GRIN2A: variants seen among roughly 807,000 people sequenced by gnomAD.
GRIN2A encodes the protein glutamate receptor ionotropic, NMDA 2A.
In GRIN2A, 22 loss-of-function variants were observed where a neutral mutation model predicts 113.4. The observed-to-expected ratio is 0.19, with a 90% CI of 0.14 to 0.28. The LOEUF (loss-of-function observed/expected upper bound fraction) is 0.28. Ranked by LOEUF, GRIN2A falls within the 10% of genes least tolerant of loss-of-function variation. GRIN2A has a pLI of 1.00. For synonymous variants in GRIN2A, 827 were observed against 738.4 expected (o/e 1.12, Z -1.94); for missense variants, 1,502 against 1,887.0 (o/e 0.80, Z 3.78).
At chr16:9,793,548 C>T (rs771258132) in intron 11 of GRIN2A, among the ~76,000 whole-genome samples, 4 of 152,024 alleles carry the variant, frequency 2.6e-5, no homozygotes, top group Non-Finnish European at 5.9e-5. Flanking sequence ...CAAGCAGAAT[C>T]GAGGTACTCA....
At chr16:10,038,068 C>T (rs80063661) in intron 2 of GRIN2A, among the ~76,000 whole-genome samples, 2,458 of 146,950 alleles carry the variant, frequency 0.017, 38 homozygotes, top group South Asian at 0.071. Context: ...ACATAAACTG[C>T]GCGTAAAAAC....
intron 2 of GRIN2A, among the ~76,000 whole-genome samples, chr16:9,966,728 C>T (rs4273038): frequency 0.32 from 48,044 of 152,108 alleles, 8,074 homozygotes; most frequent in African/African-American, 0.37. Flanking sequence ...CTAATCTACA[C>T]TCCCACCAAC....
At chr16:10,084,179 T>C (rs556438519) in intron 2 of GRIN2A, among the ~76,000 whole-genome samples, 5 of 152,320 alleles carry the variant, frequency 3.3e-5, no homozygotes, top group African/African-American at 1.2e-4. Context: ...TGGTGACATG[T>C]CTTCAGCACA....
At chr16:9,844,095 G>C (rs1362671745) in intron 5 of GRIN2A, among the ~76,000 whole-genome samples, 1 of 152,008 alleles carries the variant, frequency 6.6e-6, no homozygotes, top group Non-Finnish European at 1.5e-5. Context: ...CCCTATCACA[G>C]GCTCTTCCTT....
intron 2 of GRIN2A, among the ~76,000 whole-genome samples, chr16:10,043,617 T>A (rs1040486252): frequency 6.6e-6 from 1 of 152,140 alleles, no homozygotes; most frequent in African/African-American, 2.4e-5. Context: ...GCAACCATTC[T>A]AGCCCACAGT....
chr16:9,993,500 A>T (rs1308776250), intron 2 of GRIN2A, among the ~76,000 whole-genome samples: 2 of 152,030 alleles, frequency 1.3e-5, no homozygotes, highest in Non-Finnish European at 2.9e-5. Context: ...AGGCTGCAGT[A>T]AGCTACGATC....
chr16:9,837,906 T>A (rs1403726981), intron 7 of GRIN2A, among the ~76,000 whole-genome samples: 4 of 152,022 alleles, frequency 2.6e-5, no homozygotes, highest in African/African-American at 9.7e-5. Flanking sequence ...AAGCAACGAG[T>A]GCAAAATCAA....
At chr16:9,854,996 GT>G (rs2042944197) in intron 4 of GRIN2A, among the ~76,000 whole-genome samples, 1 of 71,672 alleles carries the variant, frequency 1.4e-5, no homozygotes, top group Non-Finnish European at 2.9e-5. Flanking sequence ...GCACGCTTGT[GT>G]GTGTGTGTGT....
intron 11 of GRIN2A, among the ~76,000 whole-genome samples, chr16:9,780,163 A>ACTGTT (rs1368663184): frequency 2.7e-4 from 41 of 152,364 alleles, no homozygotes; most frequent in African/African-American, 9.4e-4. Flanking sequence ...CACTGCTGGC[A>ACTGTT]GGAATGTAAA....
At chr16:10,152,244 G>A (rs1024692865) in intron 2 of GRIN2A, among the ~76,000 whole-genome samples, 2 of 152,162 alleles carry the variant, frequency 1.3e-5, no homozygotes, top group African/African-American at 2.4e-5. Flanking sequence ...TCAAAGTTAG[G>A]AAGAGTCAGG....
chr16:10,156,564 T>C (rs2049699538), intron 2 of GRIN2A, among the ~76,000 whole-genome samples: 1 of 152,118 alleles, frequency 6.6e-6, no homozygotes, highest in Admixed American at 6.6e-5. Context: ...AGCAAGGGTA[T>C]AGAAGAGGAA....
intron 2 of GRIN2A, among the ~76,000 whole-genome samples, chr16:9,946,905 A>T (rs1321325291): frequency 6.6e-6 from 1 of 152,354 alleles, no homozygotes; most frequent in East Asian, 1.9e-4. Flanking sequence ...CACCTTGTTC[A>T]AGCCACACCT....
chr16:9,965,027 TA>T (rs555198633), intron 2 of GRIN2A, among the ~76,000 whole-genome samples: 67 of 152,252 alleles, frequency 4.4e-4, no homozygotes, highest in Non-Finnish European at 6.0e-4. Flanking sequence ...TCTGGACCAA[TA>T]AGCATGCAAA....
chr16:9,966,317 T>C (rs996126712), intron 2 of GRIN2A, among the ~76,000 whole-genome samples: 2 of 152,188 alleles, frequency 1.3e-5, no homozygotes, highest in Admixed American at 6.5e-5. Context: ...CCACTCTATG[T>C]GTCCATGTGT....
At chr16:10,017,284 A>C (rs2046628253) in intron 2 of GRIN2A, among the ~76,000 whole-genome samples, 2 of 152,158 alleles carry the variant, frequency 1.3e-5, no homozygotes, top group South Asian at 4.1e-4. Context: ...CACGATTAAT[A>C]GATAATCATT....
chr16:10,141,356 T>C (rs187098710), intron 2 of GRIN2A, among the ~76,000 whole-genome samples: 104 of 152,024 alleles, frequency 6.8e-4, no homozygotes, highest in African/African-American at 2.1e-3. Context: ...GGCATGGTGG[T>C]ATGTGCCTGT....
chr16:10,018,069 C>G (rs1002058740), intron 2 of GRIN2A, among the ~76,000 whole-genome samples: 1 of 152,144 alleles, frequency 6.6e-6, no homozygotes, highest in African/African-American at 2.4e-5. Flanking sequence ...GGCCCTGATA[C>G]GTGGCTTTCC....
chr16:10,032,981 T>C (rs187379888), intron 2 of GRIN2A, among the ~76,000 whole-genome samples: 145 of 152,316 alleles, frequency 9.5e-4, no homozygotes, highest in African/African-American at 3.4e-3. Flanking sequence ...GACTACACCA[T>C]GCTTTTAAGC....
rs944803224 is a variant in GRIN2A, at chr16:9,759,359, G to T, written c.*3790C>A. On this transcript the variant is annotated 3_prime_UTR_variant, in exon 13 of 13. Transcript: ENST00000330684. Reference sequence around the variant, plus strand: ...TAATTCAGGGCATTTGTCATTTCCTGTGAAGGATGCAGAATATTAAATACA... The same window carrying T: ...TAATTCAGGGCATTTGTCATTTCCTTTGAAGGATGCAGAATATTAAATACA... 2 of 224,198 alleles carry T rather than the reference G, an allele frequency of 8.9e-6. No homozygotes were observed. Among genetic ancestry groups the T allele is most frequent in the African/African-American group, 2.2e-5 (1 of 44,804 alleles). The allele number at this position is 224,198 out of a possible 1,614,324, so 13.9% of individuals were successfully genotyped here. A position where few individuals can be genotyped will look rare whatever the true frequency, so the allele number is the denominator to read the frequency against.
Sources: gnomAD v4.1 joint callset for allele counts (sites outside exome capture counted in the v4.1 genomes callset) on GRCh38, gnomAD v4.1.1 for gene constraint, MANE v1.5 for transcripts, NCBI Gene and HGNC (gene_info 2026-07-23, HGNC 2026-07-21) for gene names.